The following MRPS9 variants were observed in gnomAD, a reference collection of about 807,000 sequenced individuals.
MRPS9 encodes the protein mitochondrial ribosomal protein S9.
MRPS9 carries 45 observed loss-of-function variants against 59.9 expected under a neutral mutation model. The ratio of observed to expected loss-of-function variants is 0.75; its 90% CI spans 0.59 to 0.96. The LOEUF (loss-of-function observed/expected upper bound fraction) is 0.96. Among genes scored for constraint, MRPS9 ranks in the 40% least tolerant of loss-of-function variants. The pLI, the probability that MRPS9 is intolerant of heterozygous loss-of-function variation, is 0.00. For synonymous variants in MRPS9, 171 were observed against 166.8 expected (o/e 1.03, Z -0.19); for missense variants, 473 against 481.1 (o/e 0.98, Z 0.16).
intron 4 of MRPS9, among the ~76,000 whole-genome samples, chr2:105,076,092 TTAGAAAA>T (rs1350916000): frequency 2.0e-5 from 3 of 152,222 alleles, no homozygotes; most frequent in African/African-American, 7.2e-5. Context: ...GACTGCCTAC[TTAGAAAA>T]TAGAAAACAT....
intron 4 of MRPS9, among the ~76,000 whole-genome samples, chr2:105,075,060 A>C (rs902066467): frequency 6.6e-6 from 1 of 152,226 alleles, no homozygotes; most frequent in African/African-American, 2.4e-5. Context: ...GATGGGAGAC[A>C]GTGACAGATC....
intron 5 of MRPS9, among the ~76,000 whole-genome samples, chr2:105,082,270 C>A (rs1467968215): frequency 6.6e-6 from 1 of 152,184 alleles, no homozygotes; most frequent in Non-Finnish European, 1.5e-5. Context: ...GGCAGGGTAA[C>A]AGACACTAAG....
intron 9 of MRPS9, 39 bp from the exon 10 acceptor site, chr2:105,097,116 A>T: frequency 7.0e-7 from 1 of 1,427,864 alleles, no homozygotes; most frequent in Non-Finnish European, 9.2e-7. Flanking sequence ...ATGTATCTTT[A>T]TAGTAAACGT....
intron 5 of MRPS9, among the ~76,000 whole-genome samples, chr2:105,084,471 C>T (rs2104463677): frequency 6.6e-6 from 1 of 152,164 alleles, no homozygotes; most frequent in East Asian, 1.9e-4. Context: ...CAGAAGTGTG[C>T]TGCTTCATTA....
At chr2:105,063,772 A>C (rs1341118208) in intron 2 of MRPS9, among the ~76,000 whole-genome samples, 5 of 152,232 alleles carry the variant, frequency 3.3e-5, no homozygotes, top group Non-Finnish European at 5.9e-5. Context: ...CTAGTTGTCT[A>C]TAGAAGAGTT....
intron 1 of MRPS9, among the ~76,000 whole-genome samples, chr2:105,046,172 A>G (rs900107783): frequency 5.9e-5 from 9 of 151,888 alleles, no homozygotes; most frequent in Non-Finnish European, 1.5e-5. Context: ...AGACATCTCT[A>G]ATTTCTTTCT....
intron 1 of MRPS9, among the ~76,000 whole-genome samples, chr2:105,047,966 C>T (rs1008244698): frequency 1.3e-5 from 2 of 152,006 alleles, no homozygotes; most frequent in Non-Finnish European, 2.9e-5. Context: ...CTGACTTCCA[C>T]AATGGTTGAA....
Position 105,056,712 on chromosome 2 carries a change from A to T in MRPS9, c.315+7362A>T, listed in dbSNP as rs189771047. Among the ~76,000 whole-genome samples, 67 of 152,340 alleles carry T rather than the reference A, an allele frequency of 4.4e-4. No individual in the cohort carries two copies. The Middle Eastern group carries it at 0.014, about 31-fold the overall frequency. On this transcript the variant is annotated intron_variant, in intron 2 of 10. Coordinates refer to ENST00000258455, the MANE Select transcript of MRPS9 (RefSeq NM_182640.3). ...TTCAGAGGGTTAAGTTTGAATAGAA[A>T]TCTGGCCTTGCTGAATACAGCATAT... is the stretch of plus-strand genomic sequence containing the variant.
chr2:105,076,971 G>A (rs1276354024), intron 4 of MRPS9, among the ~76,000 whole-genome samples: 1 of 152,162 alleles, frequency 6.6e-6, no homozygotes, highest in Non-Finnish European at 1.5e-5. Context: ...TCTTATGGAT[G>A]GGCATGGTGG....
chr2:105,084,261 TA>T (rs1421819163), intron 5 of MRPS9, among the ~76,000 whole-genome samples: 2 of 149,566 alleles, frequency 1.3e-5, no homozygotes, highest in African/African-American at 4.9e-5. Context: ...TATATATATA[TA>T]TATATATGTA....
intron 9 of MRPS9, among the ~76,000 whole-genome samples, chr2:105,094,610 G>A (rs1292239403): frequency 1.3e-5 from 2 of 152,212 alleles, no homozygotes; most frequent in Non-Finnish European, 2.9e-5. Flanking sequence ...TTTAGGAAAT[G>A]TGTGTTTATT....
intron 1 of MRPS9, among the ~76,000 whole-genome samples, chr2:105,041,676 A>G (rs1391896274): frequency 2.0e-5 from 3 of 152,162 alleles, no homozygotes; most frequent in Non-Finnish European, 4.4e-5. Flanking sequence ...TGTATAATTG[A>G]CTTGAATTTG....
chr2:105,048,515 AAAAAG>A (rs1679649312), intron 1 of MRPS9, among the ~76,000 whole-genome samples: 1 of 152,022 alleles, frequency 6.6e-6, no homozygotes, highest in Non-Finnish European at 1.5e-5. Flanking sequence ...TAATTTTAAA[AAAAAG>A]AAAAATAAAA....
intron 2 of MRPS9, among the ~76,000 whole-genome samples, chr2:105,066,623 G>T (rs906225865): frequency 6.6e-6 from 1 of 152,044 alleles, no homozygotes; most frequent in Non-Finnish European, 1.5e-5. Flanking sequence ...AAATGTTGCC[G>T]ATGACAGCTT....
At chr2:105,040,833 G>T (rs2104435676) in intron 1 of MRPS9, among the ~76,000 whole-genome samples, 1 of 152,328 alleles carries the variant, frequency 6.6e-6, no homozygotes, top group South Asian at 2.1e-4. Context: ...GACTAGAGTT[G>T]TTGACCAGGT....
At chr2:105,050,683 G>T (rs1484481550) in intron 2 of MRPS9, among the ~76,000 whole-genome samples, 1 of 152,004 alleles carries the variant, frequency 6.6e-6, no homozygotes, top group Non-Finnish European at 1.5e-5. Flanking sequence ...GGGGCATTTA[G>T]CAAAAAAAAT....
chr2:105,039,421 A>G (rs997411941), intron 1 of MRPS9, among the ~76,000 whole-genome samples: 1 of 151,376 alleles, frequency 6.6e-6, no homozygotes, highest in Non-Finnish European at 1.5e-5. Context: ...GAGAGGGACT[A>G]TATCATACAG....
intron 2 of MRPS9, among the ~76,000 whole-genome samples, chr2:105,056,297 A>T (rs901285209): frequency 2.6e-5 from 4 of 151,690 alleles, no homozygotes; most frequent in Non-Finnish European, 4.4e-5. Flanking sequence ...AGTCTCCCCA[A>T]CCTTATTTAG....
At chr2:105,052,425 T>C (rs1306341956) in intron 2 of MRPS9, among the ~76,000 whole-genome samples, 1 of 152,200 alleles carries the variant, frequency 6.6e-6, no homozygotes, top group Non-Finnish European at 1.5e-5. Context: ...TGGTATGCTG[T>C]ATCACACAAA....
Sources: allele counts gnomAD v4.1 joint callset (sites outside exome capture counted in the v4.1 genomes callset), GRCh38; gene constraint gnomAD v4.1.1; transcripts MANE v1.5; gene names NCBI Gene and HGNC (gene_info 2026-07-23, HGNC 2026-07-21).